Variants in DDX10 observed in about 807,000 individuals in gnomAD.
The protein encoded by DDX10 is probable ATP-dependent RNA helicase DDX10.
Under a neutral mutation model 104.3 loss-of-function variants are expected in DDX10, and 74 were observed. The observed-to-expected ratio is 0.71, with a 90% CI of 0.59 to 0.86. The LOEUF is 0.86. Among genes scored for constraint, DDX10 ranks in the 40% least tolerant of loss-of-function variants. The pLI is 0.00. For missense variants in DDX10, 952 were observed against 1,040.0 expected (o/e 0.92, Z 1.16); for synonymous variants, 351 against 353.4 (o/e 0.99, Z 0.08).
At chr11:108,711,854 T>G (rs963393957) in intron 10 of DDX10, among the ~76,000 whole-genome samples, 1 of 152,226 alleles carries the variant, frequency 6.6e-6, no homozygotes, top group Non-Finnish European at 1.5e-5. Flanking sequence ...TTCAACTATG[T>G]TCTTACTGAC....
At chr11:108,883,508 T>G (rs1863254785) in intron 16 of DDX10, among the ~76,000 whole-genome samples, 1 of 152,090 alleles carries the variant, frequency 6.6e-6, no homozygotes, top group African/African-American at 2.4e-5. Context: ...TTCTCCGTCT[T>G]TACCAGATCT....
chr11:108,827,617 AT>A (rs1186611099), intron 13 of DDX10, among the ~76,000 whole-genome samples: 2 of 152,172 alleles, frequency 1.3e-5, no homozygotes, highest in African/African-American at 4.8e-5. Flanking sequence ...ATAATTCATA[AT>A]TTATAAGCGT....
chr11:108,783,152 C>A (rs1204917044), intron 13 of DDX10, among the ~76,000 whole-genome samples: 1 of 152,098 alleles, frequency 6.6e-6, no homozygotes, highest in Non-Finnish European at 1.5e-5. Flanking sequence ...AGAATTGTTT[C>A]TGTGACTATT....
intron 16 of DDX10, among the ~76,000 whole-genome samples, chr11:108,913,251 T>G (rs1269249879): frequency 6.6e-6 from 1 of 151,908 alleles, no homozygotes. Flanking sequence ...AGATGTACAT[T>G]GATTCAGTCC....
Position 108,693,510 on chromosome 11 carries a change from C to T in DDX10, c.1139-6C>T. ...AGTTTCTTAACTTCACATCCCTTCT[C>T]TGTAGATTTCCCGGCCGTGAATTGG... On this transcript the variant is annotated splice_region_variant and splice_polypyrimidine_tract_variant and intron_variant, in intron 8 of 17. Coordinates refer to ENST00000322536, the MANE Select transcript of DDX10 (RefSeq NM_004398.4). 1 of 1,612,012 alleles carries T rather than the reference C, an allele frequency of 6.2e-7. No homozygotes were observed. The highest frequency in any genetic ancestry group is 2.2e-5 in the East Asian group (1 of 44,870).
intron 16 of DDX10, among the ~76,000 whole-genome samples, chr11:108,878,070 T>C (rs944199379): frequency 1.3e-5 from 2 of 152,216 alleles, no homozygotes; most frequent in Non-Finnish European, 2.9e-5. Flanking sequence ...CATCTACTTA[T>C]TTGAAAATAA....
At chr11:108,743,701 G>A (rs1380889439) in intron 13 of DDX10, among the ~76,000 whole-genome samples, 4 of 152,122 alleles carry the variant, frequency 2.6e-5, no homozygotes, top group South Asian at 2.1e-4. Flanking sequence ...AAGGGTGTGC[G>A]TGCTAATTAC....
chr11:108,793,563 A>G (rs910812200), intron 13 of DDX10, among the ~76,000 whole-genome samples: 2 of 152,188 alleles, frequency 1.3e-5, no homozygotes, highest in Admixed American at 6.5e-5. Flanking sequence ...TCATCCTATT[A>G]TAAATGGTGT....
At chr11:108,667,904 A>C (rs901554076) in intron 1 of DDX10, among the ~76,000 whole-genome samples, 1 of 152,162 alleles carries the variant, frequency 6.6e-6, no homozygotes, top group Non-Finnish European at 1.5e-5. Flanking sequence ...TGGCTTCTTT[A>C]ACTTTTTTAA....
At chr11:108,927,332 C>T (rs1863921495) in intron 17 of DDX10, among the ~76,000 whole-genome samples, 1 of 152,192 alleles carries the variant, frequency 6.6e-6, no homozygotes, top group African/African-American at 2.4e-5. Flanking sequence ...CCTAATTGTA[C>T]ATGAAGAAAT....
At chr11:108,691,210 A>G (rs1450109387) in intron 7 of DDX10, among the ~76,000 whole-genome samples, 1 of 152,214 alleles carries the variant, frequency 6.6e-6, no homozygotes, top group African/African-American at 2.4e-5. Context: ...TGGATCACCA[A>G]AAATTATTTG....
chr11:108,702,025 C>T (rs117936516), intron 9 of DDX10, among the ~76,000 whole-genome samples: 2,027 of 152,216 alleles, frequency 0.013, 138 homozygotes, highest in Admixed American at 0.12. Context: ...CTAGTGTTCA[C>T]TCACCAAATA....
chr11:108,747,280 G>A (rs1287695951), intron 13 of DDX10, among the ~76,000 whole-genome samples: 1 of 152,138 alleles, frequency 6.6e-6, no homozygotes, highest in Non-Finnish European at 1.5e-5. Context: ...GTAAATTAAG[G>A]ATAGCAGATA....
At chr11:108,726,261 C>G (rs761431382) in intron 13 of DDX10, among the ~76,000 whole-genome samples, 3 of 152,030 alleles carry the variant, frequency 2.0e-5, no homozygotes, top group African/African-American at 7.2e-5. Context: ...CTAGTTACTT[C>G]GTATAAAAAG....
intron 7 of DDX10, 50 bp from the exon 8 acceptor site, chr11:108,691,826 T>C (rs1377697138): frequency 6.4e-7 from 1 of 1,552,086 alleles, no homozygotes; most frequent in Non-Finnish European, 8.8e-7. Context: ...AGAAAAGCTT[T>C]ATTGCTGCCA....
chr11:108,670,886 G>C (rs528647248), intron 1 of DDX10, among the ~76,000 whole-genome samples: 1 of 152,206 alleles, frequency 6.6e-6, no homozygotes, highest in East Asian at 1.9e-4. Context: ...GAGCATTCTA[G>C]GGCGTTTCAA....
intron 13 of DDX10, among the ~76,000 whole-genome samples, chr11:108,784,974 C>T (rs751307158): frequency 2.0e-5 from 3 of 152,092 alleles, no homozygotes; most frequent in African/African-American, 7.2e-5. Flanking sequence ...TTATTCTTGT[C>T]AATTTTGTTG....
chr11:108,773,696 A>G (rs1347181332), intron 13 of DDX10, among the ~76,000 whole-genome samples: 1 of 152,148 alleles, frequency 6.6e-6, no homozygotes, highest in Non-Finnish European at 1.5e-5. Context: ...GGTTGGCATT[A>G]GTCTATTTAC....
chr11:108,831,326 C>T (rs1487912340), intron 13 of DDX10, among the ~76,000 whole-genome samples: 1 of 151,168 alleles, frequency 6.6e-6, no homozygotes, highest in Admixed American at 6.6e-5. Flanking sequence ...ATCGCTTGAA[C>T]CCAGGAAGCG....
Sources: allele counts gnomAD v4.1 joint callset (sites outside exome capture counted in the v4.1 genomes callset), GRCh38; gene constraint gnomAD v4.1.1; transcripts MANE v1.5; gene names NCBI Gene and HGNC (gene_info 2026-07-23, HGNC 2026-07-21).